The following FBXL7 variants were observed in gnomAD, a reference collection of about 807,000 sequenced individuals.
FBXL7 encodes F-box and leucine rich repeat protein 7, also known as F-box/LRR-repeat protein 7.
In FBXL7, 12 loss-of-function variants were observed where a neutral mutation model predicts 38.3. The ratio of observed to expected loss-of-function variants is 0.31; its 90% confidence interval spans 0.20 to 0.51. The LOEUF (loss-of-function observed/expected upper bound fraction) is 0.51, where lower values mean the gene tolerates loss of function less well. FBXL7 is among the 20% of genes least tolerant of loss of function. FBXL7 has a pLI of 0.98. For missense variants in FBXL7, 567 were observed against 676.4 expected, an observed-to-expected ratio of 0.84 and a Z score of 1.79; for synonymous variants, 297 against 300.9, an observed-to-expected ratio of 0.99 and a Z score of 0.13.
chr5:15,521,354 A>G (rs1737091807), intron 1 of FBXL7, among the ~76,000 whole-genome samples: 1 of 152,234 alleles, frequency 6.6e-6, no homozygotes, highest in Admixed American at 6.5e-5. Flanking sequence ...GGTTTCACAC[A>G]TAGCAGAGTT....
intron 2 of FBXL7, among the ~76,000 whole-genome samples, chr5:15,640,050 C>T (rs1436791948): frequency 1.2e-4 from 19 of 152,184 alleles, no homozygotes; most frequent in Non-Finnish European, 2.5e-4. Context: ...TAAGGAACCT[C>T]TGTGCATGTG....
chr5:15,764,728 C>A (rs62350587), intron 2 of FBXL7, among the ~76,000 whole-genome samples: 46 of 152,226 alleles, frequency 3.0e-4, no homozygotes, highest in Non-Finnish European at 6.0e-4. Flanking sequence ...ATAGTGTTCA[C>A]CCCACAGGGT....
intron 2 of FBXL7, among the ~76,000 whole-genome samples, chr5:15,778,081 C>T (rs886625011): frequency 2.6e-4 from 39 of 152,066 alleles, no homozygotes; most frequent in African/African-American, 8.7e-4. Flanking sequence ...AACTTAAGCA[C>T]ATTTCCTCTA....
Position 15,694,465 on chromosome 5 carries a change from G to A in FBXL7, c.127+78393G>A, listed in dbSNP as rs1483140440. Among the ~76,000 whole-genome samples the A allele has an allele frequency of 2.0e-5, 3 of 152,228 alleles. No homozygotes were observed. The East Asian group carries it at 5.8e-4, about 29-fold the overall frequency. ...TAATGACAATGCTGAGATGTGAGTG[G>A]CCTAAGAAGACAAGATGCATGTAAG... On this transcript the variant is annotated intron_variant, in intron 2 of 3. Transcript: ENST00000504595.
intron 2 of FBXL7, among the ~76,000 whole-genome samples, chr5:15,831,122 C>G (rs2126773899): frequency 6.6e-6 from 1 of 152,316 alleles, no homozygotes; most frequent in East Asian, 1.9e-4. Context: ...CTGCTGCTAT[C>G]ATTGTGACTC....
intron 2 of FBXL7, among the ~76,000 whole-genome samples, chr5:15,878,727 T>C (rs1740316370): frequency 6.6e-6 from 1 of 152,118 alleles, no homozygotes; most frequent in Non-Finnish European, 1.5e-5. Context: ...CTAGAGAAAA[T>C]GGAGACGCAG....
At chr5:15,580,299 A>G (rs1290234792) in intron 1 of FBXL7, among the ~76,000 whole-genome samples, 1 of 152,106 alleles carries the variant, frequency 6.6e-6, no homozygotes, top group Non-Finnish European at 1.5e-5. Context: ...CAAGAAATAA[A>G]TGTTTGTTGT....
At chr5:15,554,308 C>A (rs1477160363) in intron 1 of FBXL7, among the ~76,000 whole-genome samples, 5 of 152,076 alleles carry the variant, frequency 3.3e-5, no homozygotes, top group African/African-American at 1.2e-4. Flanking sequence ...CACTCTATAT[C>A]TCCCCAATTC....
intron 1 of FBXL7, among the ~76,000 whole-genome samples, chr5:15,567,746 C>G (rs1052864190): frequency 2.0e-5 from 3 of 152,018 alleles, no homozygotes; most frequent in African/African-American, 7.2e-5. Context: ...TCCCTCCCCC[C>G]TCACCCCACC....
intron 1 of FBXL7, among the ~76,000 whole-genome samples, chr5:15,519,449 AAAAAAAAC>A (rs1362691328): frequency 0.016 from 2,343 of 148,374 alleles, 67 homozygotes; most frequent in African/African-American, 0.058. Flanking sequence ...GAAAACAAAA[AAAAAAAAC>A]AAACAAACAA....
intron 1 of FBXL7, among the ~76,000 whole-genome samples, chr5:15,565,783 C>G (rs1156459067): frequency 6.6e-6 from 1 of 152,062 alleles, no homozygotes; most frequent in African/African-American, 2.4e-5. Flanking sequence ...TTCAGATAGT[C>G]AAGCAAGAGG....
chr5:15,788,008 T>G (rs953603217), intron 2 of FBXL7, among the ~76,000 whole-genome samples: 1 of 152,156 alleles, frequency 6.6e-6, no homozygotes, highest in African/African-American at 2.4e-5. Flanking sequence ...AGATCTCTGC[T>G]GCTTCCTGGC....
chr5:15,699,413 C>T (rs1030253892), intron 2 of FBXL7, among the ~76,000 whole-genome samples: 5 of 152,166 alleles, frequency 3.3e-5, no homozygotes, highest in Non-Finnish European at 7.3e-5. Flanking sequence ...TGCATTGCTC[C>T]AGCCTCTTCC....
chr5:15,615,572 C>T (rs1460723022), intron 1 of FBXL7, among the ~76,000 whole-genome samples: 2 of 152,178 alleles, frequency 1.3e-5, no homozygotes, highest in Admixed American at 6.5e-5. Context: ...GCGGCTCTTG[C>T]TCCTCTGATT....
chr5:15,629,399 CA>C (rs1159498589), intron 2 of FBXL7, among the ~76,000 whole-genome samples: 10 of 152,134 alleles, frequency 6.6e-5, no homozygotes, highest in African/African-American at 1.9e-4. Flanking sequence ...AAGCAGTACA[CA>C]TTGATTTTAT....
At chr5:15,621,172 C>T (rs1332171490) in intron 2 of FBXL7, among the ~76,000 whole-genome samples, 1 of 152,182 alleles carries the variant, frequency 6.6e-6, no homozygotes, top group Non-Finnish European at 1.5e-5. Flanking sequence ...AGCCACAGCC[C>T]TTGTAAAGAA....
In FBXL7 at chr5:15,928,401, A is replaced by C. The variant is rs374737815; in HGVS notation, c.639A>C (p.Glu213Asp). The C allele has an allele frequency of 2.5e-6, 4 of 1,614,022 alleles. No individual in the cohort carries two copies. Among genetic ancestry groups the C allele is most frequent in the Non-Finnish European group, 3.4e-6 (4 of 1,179,896 alleles). Residue 213 changes from glutamate (E) to aspartate (D), a missense_variant, in exon 3 of 4, where the codon GAA (glutamate) becomes GAC (aspartate). By Grantham distance (45) the Glu-to-Asp change is conservative. Transcript: ENST00000504595. This position sits in a 1 kb window ranked among gnomAD's most constrained non-coding sequence, Gnocchi z 4.0. ...GLYTIAQCCP[E>D]LRRLEVSGCY... The stretch of plus-strand genomic sequence containing the variant: ...ACACCATCGCCCAGTGCTGCCCCGA[A>C]CTGAGGCGACTGGAAGTCTCAGGCT...
chr5:15,606,407 T>C (rs1256203958), intron 1 of FBXL7, among the ~76,000 whole-genome samples: 4 of 152,054 alleles, frequency 2.6e-5, no homozygotes, highest in Non-Finnish European at 5.9e-5. Context: ...CTCCGCTCTA[T>C]GTGTAGGCAA....
chr5:15,609,346 A>G (rs1170189031), intron 1 of FBXL7, among the ~76,000 whole-genome samples: 1 of 152,202 alleles, frequency 6.6e-6, no homozygotes, highest in East Asian at 1.9e-4. Flanking sequence ...AGGGGAGGGA[A>G]ATGAGGCTTC....
Sources: allele counts gnomAD v4.1 joint callset (sites outside exome capture counted in the v4.1 genomes callset), GRCh38; gene constraint gnomAD v4.1.1; non-coding constraint Gnocchi (gnomAD v3.1); transcripts MANE v1.5; gene names NCBI Gene and HGNC (gene_info 2026-07-23, HGNC 2026-07-21).